Variants in CENPP observed in about 807,000 individuals in gnomAD.
CENPP encodes centromere protein P.
In CENPP, 24 loss-of-function variants were observed where a neutral mutation model predicts 35.6. The ratio of observed to expected loss-of-function variants is 0.67; its 90% confidence interval spans 0.49 to 0.95. The LOEUF is 0.95. Ranked by LOEUF, CENPP falls within the 40% of genes least tolerant of loss-of-function variation. CENPP has a pLI of 0.00. For synonymous variants in CENPP, 120 were observed against 125.5 expected (o/e 0.96, Z 0.29); for missense variants, 332 against 345.3 (o/e 0.96, Z 0.31).
intron 5 of CENPP, among the ~76,000 whole-genome samples, chr9:92,576,157 A>G (rs913976869): frequency 2.6e-5 from 4 of 152,236 alleles, no homozygotes; most frequent in African/African-American, 9.6e-5. Context: ...ATATAATGGA[A>G]TATTATTCAG....
At chr9:92,540,008 A>G (rs571644194) in intron 5 of CENPP, among the ~76,000 whole-genome samples, 64 of 152,258 alleles carry the variant, frequency 4.2e-4, no homozygotes, top group Non-Finnish European at 7.8e-4. Flanking sequence ...CTGCCACTTT[A>G]TTTTTTAAAC....
chr9:92,594,455 C>T (rs1259004865), intron 5 of CENPP, among the ~76,000 whole-genome samples: 1 of 152,162 alleles, frequency 6.6e-6, no homozygotes, highest in Non-Finnish European at 1.5e-5. Flanking sequence ...AATTTTATAT[C>T]TCTGCCTCAT....
At chr9:92,418,181 G>A (rs1487792238) in intron 5 of CENPP, among the ~76,000 whole-genome samples, 7 of 151,538 alleles carry the variant, frequency 4.6e-5, no homozygotes, top group Admixed American at 1.3e-4. Context: ...CCACCTCCCC[G>A]GTTCAAGTGA....
intron 5 of CENPP, among the ~76,000 whole-genome samples, chr9:92,590,496 AAG>A (rs1444852136): frequency 6.6e-6 from 1 of 152,230 alleles, no homozygotes; most frequent in Non-Finnish European, 1.5e-5. Context: ...GTCTTTAAGA[AAG>A]AAGCTGACAG....
At chr9:92,607,589 C>A (rs1246135571) in intron 5 of CENPP, among the ~76,000 whole-genome samples, 1 of 152,164 alleles carries the variant, frequency 6.6e-6, no homozygotes, top group African/African-American at 2.4e-5. Flanking sequence ...TATCTCAATT[C>A]TTTAAAAGTC....
chr9:92,379,682 A>G (rs1229478895), intron 4 of CENPP, 81 bp from the exon 5 acceptor site: 2 of 1,111,248 alleles, frequency 1.8e-6, no homozygotes, highest in Non-Finnish European at 2.7e-6. Flanking sequence ...TGTAGGATAC[A>G]TGAAAAGGAA....
chr9:92,585,767 A>G (rs939708477), intron 5 of CENPP, among the ~76,000 whole-genome samples: 1 of 152,192 alleles, frequency 6.6e-6, no homozygotes, highest in Non-Finnish European at 1.5e-5. Flanking sequence ...GAGAAGGCCT[A>G]TGAATTCCAG....
At chr9:92,497,891 AAAG>A (rs1342719320) in intron 5 of CENPP, among the ~76,000 whole-genome samples, 3 of 150,110 alleles carry the variant, frequency 2.0e-5, no homozygotes, top group Non-Finnish European at 1.5e-5. Flanking sequence ...AAAAAAAAAA[AAAG>A]AAGTCTGGCA....
intron 5 of CENPP, among the ~76,000 whole-genome samples, chr9:92,574,056 C>T (rs990263458): frequency 3.9e-5 from 6 of 152,124 alleles, no homozygotes; most frequent in African/African-American, 9.7e-5. Flanking sequence ...CCAGGTGAGG[C>T]GATGCCCCAC....
intron 5 of CENPP, chr9:92,514,692 G>A (rs760484059): frequency 1.3e-5 from 21 of 1,612,036 alleles, no homozygotes; most frequent in South Asian, 4.4e-5. Flanking sequence ...TAAGCATGGC[G>A]TTGATGCAGC....
chr9:92,496,057 A>C, intron 5 of CENPP: 1 of 1,083,996 alleles, frequency 9.2e-7, no homozygotes, highest in Non-Finnish European at 1.1e-6. Flanking sequence ...CTCAGTATGC[A>C]TAATATCCTA....
intron 5 of CENPP, among the ~76,000 whole-genome samples, chr9:92,429,611 A>G (rs1230139885): frequency 6.6e-6 from 1 of 151,978 alleles, no homozygotes; most frequent in Non-Finnish European, 1.5e-5. Flanking sequence ...ACATGATGAA[A>G]CCTTGTCTGT....
At chr9:92,540,498 G>T (rs1849293127) in intron 5 of CENPP, among the ~76,000 whole-genome samples, 1 of 151,514 alleles carries the variant, frequency 6.6e-6, no homozygotes, top group South Asian at 2.1e-4. Flanking sequence ...GAAGGCTGGG[G>T]GCAGTGGCTC....
intron 5 of CENPP, chr9:92,417,677 T>C: frequency 1.5e-6 from 1 of 664,244 alleles, no homozygotes; most frequent in Non-Finnish European, 2.4e-6. Context: ...CCTATGTCTA[T>C]ATATAAAAGA....
chr9:92,414,189 A>G (rs1335124701), intron 5 of CENPP: 1 of 176,310 alleles, frequency 5.7e-6, no homozygotes, highest in Non-Finnish European at 1.2e-5. Flanking sequence ...CATTCAAATT[A>G]TAAAGGAACT....
At chr9:92,579,084 C>T (rs1294135066) in intron 5 of CENPP, among the ~76,000 whole-genome samples, 4 of 150,856 alleles carry the variant, frequency 2.7e-5, no homozygotes, top group African/African-American at 9.7e-5. Flanking sequence ...TTGTTTTTCT[C>T]AGGTTTGTCA....
chr9:92,497,360 C>T (rs1041689615), intron 5 of CENPP, among the ~76,000 whole-genome samples: 2 of 152,074 alleles, frequency 1.3e-5, no homozygotes, highest in African/African-American at 4.8e-5. Context: ...CGTGGTGGCT[C>T]ACACCTGTCA....
At chr9:92,459,666 A>AT (rs756640697) in intron 5 of CENPP, 1,443 of 1,612,714 alleles carry the variant, frequency 8.9e-4, no homozygotes, top group Non-Finnish European at 1.0e-3. Flanking sequence ...TCCTGAAGGG[A>AT]TTTTTTTTAG....
chr9:92,477,593 T>C (rs1383370997), intron 5 of CENPP, among the ~76,000 whole-genome samples: 1 of 152,176 alleles, frequency 6.6e-6, no homozygotes, highest in African/African-American at 2.4e-5. Flanking sequence ...CTGGCTTTCT[T>C]TGAGGTTGCT....
Sources: allele counts gnomAD v4.1 joint callset (sites outside exome capture counted in the v4.1 genomes callset), GRCh38; gene constraint gnomAD v4.1.1; transcripts MANE v1.5; gene names NCBI Gene and HGNC (gene_info 2026-07-23, HGNC 2026-07-21).